The following SLC17A1 variants were observed in gnomAD, a reference collection of about 807,000 sequenced individuals.
SLC17A1 encodes solute carrier family 17 member 1.
Under a neutral mutation model 53.5 loss-of-function variants are expected in SLC17A1, and 51 were observed. The observed-to-expected ratio is 0.95, with a 90% CI of 0.76 to 1.20. SLC17A1 has a LOEUF of 1.20. Ranked by LOEUF, SLC17A1 falls within the 50% of genes most tolerant of loss-of-function variation. SLC17A1 has a pLI of 0.00. For synonymous variants in SLC17A1, 179 were observed against 198.8 expected, an observed-to-expected ratio of 0.90 and a Z score of 0.84; for missense variants, 538 against 568.2, an observed-to-expected ratio of 0.95 and a Z score of 0.54.
chr6:25,755,904 C>T, the SLC17A1 span, among the ~76,000 whole-genome samples: 1 of 152,194 alleles, frequency 6.6e-6, no homozygotes, highest in African/African-American at 2.4e-5. Context: ...CTAGAAGTCT[C>T]TGATGATTCT....
intron 1 of SLC17A1, among the ~76,000 whole-genome samples, chr6:25,831,656 CCA>C (rs148712224): frequency 4.6e-5 from 7 of 151,718 alleles, no homozygotes; most frequent in South Asian, 2.1e-4. Flanking sequence ...ACACACATAA[CCA>C]CACACACACA....
chr6:25,797,171 G>A (rs993774783), intron 12 of SLC17A1, among the ~76,000 whole-genome samples: 6 of 152,114 alleles, frequency 3.9e-5, no homozygotes, highest in African/African-American at 1.4e-4. Context: ...ACCCTCCTTG[G>A]TTTTACATCC....
chr6:25,799,961 G>T (rs981277801), intron 11 of SLC17A1, among the ~76,000 whole-genome samples: 1 of 152,174 alleles, frequency 6.6e-6, no homozygotes, highest in East Asian at 1.9e-4. Flanking sequence ...AGATTGTGGT[G>T]GTGGAAGACT....
chr6:25,809,167 A>G (rs955844994), intron 10 of SLC17A1, among the ~76,000 whole-genome samples: 5 of 152,056 alleles, frequency 3.3e-5, no homozygotes, highest in Non-Finnish European at 7.4e-5. Flanking sequence ...AAATACTGCA[A>G]GTTCTCAGTT....
At chr6:25,730,811 A>G in the SLC17A1 span, among the ~76,000 whole-genome samples, 2 of 152,256 alleles carry the variant, frequency 1.3e-5, no homozygotes, top group African/African-American at 2.4e-5. Flanking sequence ...GATTAAGAGC[A>G]GTGAGATTAA....
the SLC17A1 span, among the ~76,000 whole-genome samples, chr6:25,752,863 A>G: frequency 6.6e-6 from 1 of 151,994 alleles, no homozygotes; most frequent in African/African-American, 2.4e-5. Context: ...GAGGCAGGAG[A>G]ATGGCGTGAA....
chr6:25,726,497 C>A, the SLC17A1 span: 35 of 1,611,474 alleles, frequency 2.2e-5, no homozygotes, highest in Non-Finnish European at 2.9e-5. Context: ...TTGGCGCGTG[C>A]TTTTCCTCCC....
chr6:25,748,649 T>A, the SLC17A1 span, among the ~76,000 whole-genome samples: 349 of 152,242 alleles, frequency 2.3e-3, 1 homozygote, highest in African/African-American at 7.7e-3. Flanking sequence ...GTCTCTGAGT[T>A]TCCTCAGTAT....
chr6:25,812,713 G>A, intron 8 of SLC17A1, 118 bp downstream of exon 8: 1 of 686,574 alleles, frequency 1.5e-6, no homozygotes, highest in Non-Finnish European at 2.4e-6. Context: ...TCCAGGTGAA[G>A]AGCAGTAGCC....
At chr6:25,803,976 A>T (rs1440910481) in intron 10 of SLC17A1, among the ~76,000 whole-genome samples, 1 of 152,204 alleles carries the variant, frequency 6.6e-6, no homozygotes, top group Non-Finnish European at 1.5e-5. Flanking sequence ...ATTGAAATTC[A>T]ACTGTCTAAC....
chr6:25,757,731 G>A, the SLC17A1 span, among the ~76,000 whole-genome samples: 4 of 152,124 alleles, frequency 2.6e-5, no homozygotes, highest in African/African-American at 9.7e-5. Context: ...TTTCTTAGCT[G>A]GAGCTCTTGT....
intron 10 of SLC17A1, among the ~76,000 whole-genome samples, chr6:25,802,867 G>T (rs12191655): frequency 0.14 from 20,299 of 148,336 alleles, 1,906 homozygotes; most frequent in Non-Finnish European, 0.21. Context: ...ATAGGTTTAG[G>T]TGTGATTTTC....
At chr6:25,726,390 T>A in the SLC17A1 span, 1 of 1,614,174 alleles carries the variant, frequency 6.2e-7, no homozygotes, top group Non-Finnish European at 8.5e-7. Context: ...CTGGTGCGCC[T>A]GCCCCTATCC....
At chr6:25,774,149 T>C in the SLC17A1 span, among the ~76,000 whole-genome samples, 2 of 152,180 alleles carry the variant, frequency 1.3e-5, no homozygotes, top group South Asian at 2.1e-4. Flanking sequence ...AAGACTTACA[T>C]AGACATTTGC....
chr6:25,768,070 CCTT>C, the SLC17A1 span, among the ~76,000 whole-genome samples: 10 of 152,128 alleles, frequency 6.6e-5, no homozygotes, highest in African/African-American at 2.4e-4. Context: ...ATGTGGCAAT[CCTT>C]CTTAATTTAA....
At chr6:25,775,425 T>C in the SLC17A1 span, among the ~76,000 whole-genome samples, 1 of 152,136 alleles carries the variant, frequency 6.6e-6, no homozygotes, top group Admixed American at 6.5e-5. Flanking sequence ...ATTCTTTCTA[T>C]GTCTTTTTTC....
At chr6:25,727,075 T>C in the SLC17A1 span, 3 of 1,614,256 alleles carry the variant, frequency 1.9e-6, no homozygotes, top group Non-Finnish European at 2.5e-6. Context: ...GACACTGGCA[T>C]CTCTTCGAAA....
chr6:25,761,414 T>G, the SLC17A1 span, among the ~76,000 whole-genome samples: 1 of 152,190 alleles, frequency 6.6e-6, no homozygotes, highest in South Asian at 2.1e-4. Flanking sequence ...AATTGATGCT[T>G]CTGTGACCCA....
At chr6:25,748,553 A>G in the SLC17A1 span, among the ~76,000 whole-genome samples, 2 of 152,180 alleles carry the variant, frequency 1.3e-5, no homozygotes, top group African/African-American at 2.4e-5. Flanking sequence ...TGAGAAAAGA[A>G]ATAAGACACA....
Sources: gnomAD v4.1 joint callset for allele counts (sites outside exome capture counted in the v4.1 genomes callset) on GRCh38, gnomAD v4.1.1 for gene constraint, MANE v1.5 for transcripts, NCBI Gene and HGNC (gene_info 2026-07-23, HGNC 2026-07-21) for gene names.